The following SCHIP1 variants were observed in gnomAD, a reference collection of about 807,000 sequenced individuals.
The protein encoded by SCHIP1 is schwannomin interacting protein 1.
Under a neutral mutation model 29.7 loss-of-function variants are expected in SCHIP1, and 8 were observed. That is an observed-to-expected ratio of 0.27 (90% CI 0.16 to 0.49). SCHIP1 has a LOEUF of 0.49. SCHIP1 is among the 20% of genes least tolerant of loss of function. The pLI is 0.99. For synonymous variants in SCHIP1, 76 were observed against 94.9 expected (o/e 0.80, Z 1.16); for missense variants, 193 against 294.6 (o/e 0.66, Z 2.52).
chr3:159,828,429 ACG>A, the SCHIP1 span, among the ~76,000 whole-genome samples: 2 of 83,684 alleles, frequency 2.4e-5, no homozygotes, highest in East Asian at 8.9e-4. Context: ...GTATATATAT[ACG>A]TATATATACG....
the SCHIP1 span, among the ~76,000 whole-genome samples, chr3:159,637,876 A>T: frequency 6.6e-6 from 1 of 152,226 alleles, no homozygotes; most frequent in Non-Finnish European, 1.5e-5. Context: ...GAGGGTAAAT[A>T]AAATACTAAA....
chr3:159,441,306 A>G, the SCHIP1 span, among the ~76,000 whole-genome samples: 1 of 152,142 alleles, frequency 6.6e-6, no homozygotes, highest in Non-Finnish European at 1.5e-5. Flanking sequence ...CTGTTTAGTT[A>G]TTCTTTCAAC....
At chr3:159,853,740 T>C (rs1712968044) in intron 1 of SCHIP1, among the ~76,000 whole-genome samples, 1 of 152,240 alleles carries the variant, frequency 6.6e-6, no homozygotes, top group Non-Finnish European at 1.5e-5. Context: ...GCAGGCTTTT[T>C]ATGTGAAGGA....
the SCHIP1 span, among the ~76,000 whole-genome samples, chr3:159,549,151 A>AGTAGC: frequency 1.1e-4 from 16 of 152,166 alleles, no homozygotes; most frequent in Non-Finnish European, 1.6e-4. Context: ...CATGCAATGC[A>AGTAGC]TGACCCAGTA....
chr3:159,643,726 TTC>T, the SCHIP1 span, among the ~76,000 whole-genome samples: 1 of 152,104 alleles, frequency 6.6e-6, no homozygotes, highest in African/African-American at 2.4e-5. Context: ...GTTGATCATT[TTC>T]TCTGACTCAT....
chr3:159,427,731 C>T, the SCHIP1 span, among the ~76,000 whole-genome samples: 3 of 151,954 alleles, frequency 2.0e-5, no homozygotes, highest in South Asian at 2.1e-4. Flanking sequence ...GAGCCCGCAT[C>T]ACCGAGTCAA....
chr3:159,855,784 A>G lies in SCHIP1; in HGVS notation c.31-10379A>G, dbSNP rs141991033. On this transcript the variant is annotated intron_variant, in intron 1 of 6. Coordinates refer to ENST00000445224, the Ensembl canonical transcript of SCHIP1. ...AATTCCCTGAACCAATTGCACTAATAAATACCACATGTGTATAGGGATTAT... is the reference window on the plus strand; with the variant it reads ...AATTCCCTGAACCAATTGCACTAATGAATACCACATGTGTATAGGGATTAT... 3.7e-3 allele frequency among the ~76,000 whole-genome samples: 566 copies of G among 152,326 alleles called. 1 individual carries two copies. Among genetic ancestry groups the G allele is most frequent in the Middle Eastern group, 0.017 (5 of 294 alleles).
chr3:159,382,130 T>C, the SCHIP1 span, among the ~76,000 whole-genome samples: 15 of 152,054 alleles, frequency 9.9e-5, no homozygotes, highest in Non-Finnish European at 2.1e-4. Context: ...TACTATACTT[T>C]AAGTTTTAGG....
the SCHIP1 span, among the ~76,000 whole-genome samples, chr3:159,756,174 G>A: frequency 6.6e-6 from 1 of 152,186 alleles, no homozygotes. Flanking sequence ...CTTCCACACT[G>A]CCATAGCAGA....
the SCHIP1 span, among the ~76,000 whole-genome samples, chr3:159,723,484 A>G: frequency 6.6e-6 from 1 of 152,212 alleles, no homozygotes. Flanking sequence ...ATCTCACTGC[A>G]TGATGTCAGT....
At chr3:159,746,352 T>C in the SCHIP1 span, among the ~76,000 whole-genome samples, 79 of 152,294 alleles carry the variant, frequency 5.2e-4, no homozygotes, top group Non-Finnish European at 9.6e-4. Context: ...AGTTCTCACG[T>C]GGGAGAGTAC....
At chr3:159,699,332 T>C in the SCHIP1 span, among the ~76,000 whole-genome samples, 3 of 152,200 alleles carry the variant, frequency 2.0e-5, no homozygotes, top group Non-Finnish European at 4.4e-5. Context: ...GAAAGTGCTA[T>C]TGGTGAATTT....
chr3:159,772,763 C>T, the SCHIP1 span, among the ~76,000 whole-genome samples: 4 of 152,124 alleles, frequency 2.6e-5, no homozygotes, highest in Admixed American at 2.0e-4. Flanking sequence ...TTTTTTGAGA[C>T]GGAATCTTGC....
chr3:159,753,322 A>G, the SCHIP1 span, among the ~76,000 whole-genome samples: 2 of 152,192 alleles, frequency 1.3e-5, no homozygotes, highest in East Asian at 1.9e-4. Flanking sequence ...GTCTTATAAC[A>G]TCTTAGATAT....
chr3:159,712,373 A>C, the SCHIP1 span, among the ~76,000 whole-genome samples: 2 of 152,184 alleles, frequency 1.3e-5, no homozygotes, highest in Admixed American at 1.3e-4. Context: ...CAATTAATTC[A>C]ATTTTTAAAA....
chr3:159,350,738 A>C, the SCHIP1 span, among the ~76,000 whole-genome samples: 1 of 152,292 alleles, frequency 6.6e-6, no homozygotes, highest in Admixed American at 6.5e-5. Flanking sequence ...CATCTCACAT[A>C]GTTACTCATT....
the SCHIP1 span, among the ~76,000 whole-genome samples, chr3:159,709,177 A>G: frequency 6.6e-6 from 1 of 152,168 alleles, no homozygotes; most frequent in Admixed American, 6.5e-5. Context: ...ATACAAATGA[A>G]GAAAATATTA....
At chr3:159,418,948 T>C in the SCHIP1 span, among the ~76,000 whole-genome samples, 3 of 152,210 alleles carry the variant, frequency 2.0e-5, no homozygotes, top group Non-Finnish European at 2.9e-5. Context: ...ACTGTGTGGG[T>C]TTAAGTATGC....
chr3:159,807,498 G>C, the SCHIP1 span, among the ~76,000 whole-genome samples: 7 of 152,118 alleles, frequency 4.6e-5, no homozygotes, highest in Middle Eastern at 0.01. Flanking sequence ...CAAAACTTTG[G>C]GTACAAAAAT....
Sources: allele counts gnomAD v4.1 joint callset (sites outside exome capture counted in the v4.1 genomes callset), GRCh38; gene constraint gnomAD v4.1.1; transcripts MANE v1.5; gene names NCBI Gene and HGNC (gene_info 2026-07-23, HGNC 2026-07-21).